Variants in LUZP2 observed in about 807,000 individuals in gnomAD.
LUZP2 encodes leucine zipper protein 2.
LUZP2 carries 52 observed loss-of-function variants against 51.6 expected under a neutral mutation model. The observed-to-expected ratio is 1.01, with a 90% CI of 0.81 to 1.27. The LOEUF is 1.27. LUZP2 is among the 50% of genes most tolerant of loss of function. The pLI, the probability that LUZP2 is intolerant of heterozygous loss-of-function variation, is 0.00. For synonymous variants in LUZP2, 154 were observed against 137.3 expected (o/e 1.12, Z -0.85); for missense variants, 436 against 395.4 (o/e 1.10, Z -0.87).
At chr11:24,997,871 T>C (rs1351668552) in intron 9 of LUZP2, among the ~76,000 whole-genome samples, 1 of 152,222 alleles carries the variant, frequency 6.6e-6, no homozygotes, top group Non-Finnish European at 1.5e-5. Flanking sequence ...ACTTATTAAA[T>C]AGGGAATCCT....
chr11:24,890,894 CT>C (rs34323542), intron 5 of LUZP2: 27,742 of 721,210 alleles, frequency 0.038, no homozygotes, highest in Non-Finnish European at 0.041. Context: ...AGTAAAAGTT[CT>C]TTTTTTTTTT....
chr11:24,941,278 A>G (rs1854738078), intron 7 of LUZP2, among the ~76,000 whole-genome samples: 1 of 152,214 alleles, frequency 6.6e-6, no homozygotes, highest in African/African-American at 2.4e-5. Context: ...TTTCCAAAAT[A>G]TTAGTAGAGT....
At chr11:24,956,050 A>G (rs1054131616) in intron 7 of LUZP2, among the ~76,000 whole-genome samples, 3 of 152,084 alleles carry the variant, frequency 2.0e-5, no homozygotes, top group African/African-American at 7.2e-5. Context: ...ACCTAACTTT[A>G]TTAGTCTTAA....
chr11:24,943,283 G>A (rs1854804483), intron 7 of LUZP2, among the ~76,000 whole-genome samples: 1 of 152,114 alleles, frequency 6.6e-6, no homozygotes, highest in South Asian at 2.1e-4. Flanking sequence ...TCATAGTTTT[G>A]TGCAAACGTA....
intron 9 of LUZP2, among the ~76,000 whole-genome samples, chr11:24,989,981 C>T (rs748750773): frequency 6.6e-6 from 1 of 152,040 alleles, no homozygotes; most frequent in Non-Finnish European, 1.5e-5. Context: ...CAATTGTCAT[C>T]TGTCTCCATT....
intron 5 of LUZP2, among the ~76,000 whole-genome samples, chr11:24,806,198 T>C (rs1171331567): frequency 6.6e-6 from 1 of 152,180 alleles, no homozygotes; most frequent in East Asian, 1.9e-4. Flanking sequence ...AATGTGTAGC[T>C]TCAGGGTAGG....
At chr11:24,867,327 T>C (rs1236153064) in intron 5 of LUZP2, among the ~76,000 whole-genome samples, 1 of 152,168 alleles carries the variant, frequency 6.6e-6, no homozygotes, top group Admixed American at 6.5e-5. Context: ...TATTCTTAAA[T>C]TTTGCTATGT....
chr11:24,574,203 T>C lies in LUZP2; in HGVS notation c.62+76898T>C, dbSNP rs532904409. Among the ~76,000 whole-genome samples, 26 of 5,596 alleles carry C rather than the reference T, an allele frequency of 4.6e-3. 1 individual carries two copies. Among genetic ancestry groups the C allele is most frequent in the East Asian group, 0.25 (2 of 8 alleles). The allele number at this position is 5,596 out of a possible 152,430, so 3.7% of individuals were successfully genotyped here. Reference sequence around the variant, plus strand: ...TTTCTTTTCTTTCTTTCTTTCTCTTTCTTCCTTCCTTTCTTTCTTTCTTTC... The same window carrying C: ...TTTCTTTTCTTTCTTTCTTTCTCTTCCTTCCTTCCTTTCTTTCTTTCTTTC... On this transcript the variant is annotated intron_variant, in intron 1 of 11. Transcript: ENST00000336930.
chr11:24,590,958 G>A (rs1509598), intron 1 of LUZP2, among the ~76,000 whole-genome samples: 150,031 of 152,172 alleles, frequency 0.99, 73,986 homozygotes, highest in East Asian at 1. Context: ...AGATTTACAA[G>A]ATCCTGGCCG....
chr11:24,794,754 GTTTC>G (rs1432322665), intron 5 of LUZP2, among the ~76,000 whole-genome samples: 2 of 151,974 alleles, frequency 1.3e-5, no homozygotes, highest in Admixed American at 6.6e-5. Flanking sequence ...TCTCTCATAA[GTTTC>G]TTTCAAGACT....
chr11:24,958,268 A>T (rs532181103), intron 7 of LUZP2, among the ~76,000 whole-genome samples: 7 of 152,208 alleles, frequency 4.6e-5, no homozygotes, highest in Admixed American at 3.3e-4. Context: ...GTATATACCC[A>T]GTAATGGGAT....
chr11:24,511,032 A>T (rs1252677873), intron 1 of LUZP2, among the ~76,000 whole-genome samples: 1 of 152,184 alleles, frequency 6.6e-6, no homozygotes, highest in East Asian at 1.9e-4. Flanking sequence ...TGCTAGTCTT[A>T]GTAGAGTAGC....
intron 1 of LUZP2, among the ~76,000 whole-genome samples, chr11:24,543,142 T>G (rs1201468926): frequency 6.6e-6 from 1 of 152,078 alleles, no homozygotes; most frequent in African/African-American, 2.4e-5. Context: ...GTAGGACAGA[T>G]AATTATATTA....
intron 5 of LUZP2, among the ~76,000 whole-genome samples, chr11:24,905,478 A>C (rs536086916): frequency 6.6e-6 from 1 of 152,278 alleles, no homozygotes; most frequent in African/African-American, 2.4e-5. Flanking sequence ...CAGGGAGCTG[A>C]GATCATACCA....
At chr11:24,987,675 G>A (rs1475316344) in intron 9 of LUZP2, among the ~76,000 whole-genome samples, 5 of 151,960 alleles carry the variant, frequency 3.3e-5, no homozygotes, top group South Asian at 2.1e-4. Context: ...GCCCTGGAAC[G>A]AATGGGGCTC....
chr11:24,867,860 T>G (rs1444351245), intron 5 of LUZP2, among the ~76,000 whole-genome samples: 2 of 152,188 alleles, frequency 1.3e-5, no homozygotes, highest in Non-Finnish European at 2.9e-5. Context: ...AAATGTAAAT[T>G]TGGTCCAATA....
chr11:24,689,755 A>G (rs904626132), intron 1 of LUZP2, among the ~76,000 whole-genome samples: 4 of 152,120 alleles, frequency 2.6e-5, no homozygotes, highest in African/African-American at 7.2e-5. Context: ...ATCTTTGACA[A>G]TTTAGAACTG....
At chr11:24,876,499 AG>A (rs905488870) in intron 5 of LUZP2, among the ~76,000 whole-genome samples, 1 of 148,768 alleles carries the variant, frequency 6.7e-6, no homozygotes, top group African/African-American at 2.5e-5. Context: ...TGGTTACTGT[AG>A]CCTTGTAGTA....
chr11:24,879,854 CCCTCT>C (rs61238781), intron 5 of LUZP2, among the ~76,000 whole-genome samples: 2 of 151,340 alleles, frequency 1.3e-5, no homozygotes, highest in African/African-American at 4.9e-5. Flanking sequence ...CTTTAATCTA[CCCTCT>C]CCTCTCCTCA....
Sources: gnomAD v4.1 joint callset for allele counts (sites outside exome capture counted in the v4.1 genomes callset) on GRCh38, gnomAD v4.1.1 for gene constraint, MANE v1.5 for transcripts, NCBI Gene and HGNC (gene_info 2026-07-23, HGNC 2026-07-21) for gene names.